ATP8A2: variants seen among roughly 807,000 people sequenced by gnomAD.
ATP8A2 encodes ATPase phospholipid transporting 8A2.
A neutral mutation model predicts 165.6 loss-of-function variants in ATP8A2; 100 were observed. That is an observed-to-expected ratio of 0.60 (90% confidence interval 0.51 to 0.71). The LOEUF is 0.71. Ranked by LOEUF, ATP8A2 falls within the 30% of genes least tolerant of loss-of-function variation. ATP8A2 has a pLI of 0.00. For synonymous variants in ATP8A2, 543 were observed against 548.8 expected, an observed-to-expected ratio of 0.99 and a Z score of 0.15; for missense variants, 1,227 against 1,479.5, an observed-to-expected ratio of 0.83 and a Z score of 2.80.
At chr13:25,976,294 C>A (rs1404291861) in intron 35 of ATP8A2, among the ~76,000 whole-genome samples, 1 of 152,098 alleles carries the variant, frequency 6.6e-6, no homozygotes, top group Non-Finnish European at 1.5e-5. Flanking sequence ...TTTATCATAA[C>A]ACTGATCCCC....
At chr13:25,659,357 A>G (rs1277015824) in intron 24 of ATP8A2, among the ~76,000 whole-genome samples, 1 of 152,216 alleles carries the variant, frequency 6.6e-6, no homozygotes, top group Admixed American at 6.5e-5. Context: ...GTTTCATTTA[A>G]TTAGAGTTTG....
At chr13:25,686,280 G>A (rs932340751) in intron 24 of ATP8A2, among the ~76,000 whole-genome samples, 7 of 152,302 alleles carry the variant, frequency 4.6e-5, no homozygotes, top group Admixed American at 6.5e-5. Flanking sequence ...CACAAGGAGC[G>A]GATGCGTCAC....
chr13:25,601,579 C>T (rs1010926009), intron 24 of ATP8A2, among the ~76,000 whole-genome samples: 20 of 152,314 alleles, frequency 1.3e-4, no homozygotes, highest in African/African-American at 4.1e-4. Context: ...ATTCTCCTGC[C>T]TCAGCCTCTC....
At chr13:25,511,173 T>C (rs1214386376) in intron 2 of ATP8A2, among the ~76,000 whole-genome samples, 1 of 152,248 alleles carries the variant, frequency 6.6e-6, no homozygotes, top group Non-Finnish European at 1.5e-5. Context: ...GTGTATCATG[T>C]TTGCCTCTTT....
intron 24 of ATP8A2, among the ~76,000 whole-genome samples, chr13:25,665,503 G>A (rs547481869): frequency 6.6e-6 from 1 of 151,268 alleles, no homozygotes; most frequent in African/African-American, 2.4e-5. Flanking sequence ...AGATGGTAGG[G>A]GCATACTTTC....
chr13:25,465,493 A>G lies in ATP8A2; in HGVS notation c.77-3484A>G, dbSNP rs187796503. Among the ~76,000 whole-genome samples, 33 of 151,612 alleles carry G rather than the reference A, an allele frequency of 2.2e-4. 1 individual carries two copies. Among genetic ancestry groups the G allele is most frequent in the East Asian group, 1.6e-3 (8 of 5,150 alleles). ...TCGTGTCAATAATTTTTTTCACTCC[A>G]ATATTTGTTATCCAACATCTAAATT... is the stretch of plus-strand genomic sequence containing the variant. On this transcript the variant is annotated intron_variant, in intron 1 of 36. Transcript: ENST00000381655.
chr13:25,862,532 CT>C, intron 33 of ATP8A2, 124 bp downstream of exon 33: 1 of 704,598 alleles, frequency 1.4e-6, no homozygotes, highest in Non-Finnish European at 2.5e-6. Flanking sequence ...CTGGTCCTTC[CT>C]GCTTCCATCA....
Position 25,711,044 on chromosome 13 carries a change from G to A in ATP8A2, c.2384+11699G>A, listed in dbSNP as rs551142707. Among the ~76,000 whole-genome samples the A allele has an allele frequency of 9.2e-5, 14 of 152,040 alleles. No homozygotes were observed. In the South Asian group the frequency reaches 1.7e-3, roughly 18 times the overall value. Reference sequence around the variant, plus strand: ...TTCTGAGTCAGAGTCTCACTCTGTCGCCCAGGCTGGAATGCTGTGGTGCGA... The same window carrying A: ...TTCTGAGTCAGAGTCTCACTCTGTCACCCAGGCTGGAATGCTGTGGTGCGA... On this transcript the variant is annotated intron_variant, in intron 25 of 36. Coordinates refer to ENST00000381655, the MANE Select transcript of ATP8A2 (RefSeq NM_016529.6).
intron 1 of ATP8A2, among the ~76,000 whole-genome samples, chr13:25,437,274 A>C (rs992824842): frequency 6.6e-6 from 1 of 152,170 alleles, no homozygotes; most frequent in Admixed American, 6.5e-5. Context: ...GGAATACTTC[A>C]TCTTAGCACC....
At chr13:25,432,477 G>A (rs1048627376) in intron 1 of ATP8A2, among the ~76,000 whole-genome samples, 1 of 152,226 alleles carries the variant, frequency 6.6e-6, no homozygotes, top group African/African-American at 2.4e-5. Context: ...TAAACACGGA[G>A]TGAGCGTTTT....
At chr13:25,497,771 C>T (rs887659213) in intron 2 of ATP8A2, among the ~76,000 whole-genome samples, 48 of 151,768 alleles carry the variant, frequency 3.2e-4, no homozygotes, top group African/African-American at 9.9e-4. Flanking sequence ...CTGGCTAATA[C>T]GGTGAAACCC....
chr13:25,990,528 A>G (rs1001506324), intron 35 of ATP8A2, among the ~76,000 whole-genome samples: 20 of 152,142 alleles, frequency 1.3e-4, no homozygotes, highest in African/African-American at 4.8e-4. Context: ...GAGGTGGGAA[A>G]CCAGAGTGAT....
intron 25 of ATP8A2, among the ~76,000 whole-genome samples, chr13:25,760,409 C>G (rs563269609): frequency 1.3e-5 from 2 of 152,194 alleles, no homozygotes; most frequent in East Asian, 3.9e-4. Context: ...ATTATTAGAG[C>G]CTGAAATCAG....
At chr13:25,834,410 T>C (rs751953461) in intron 28 of ATP8A2, among the ~76,000 whole-genome samples, 3 of 152,080 alleles carry the variant, frequency 2.0e-5, no homozygotes, top group Non-Finnish European at 2.9e-5. Context: ...CTTCTTCCCA[T>C]AGAGATAAAA....
intron 18 of ATP8A2, among the ~76,000 whole-genome samples, chr13:25,572,468 CT>C (rs2039496059): frequency 6.6e-6 from 1 of 152,184 alleles, no homozygotes; most frequent in Admixed American, 6.5e-5. Flanking sequence ...GGGATCCCCC[CT>C]GCAACTGGAG....
intron 24 of ATP8A2, among the ~76,000 whole-genome samples, chr13:25,623,402 A>G (rs1250622049): frequency 6.6e-6 from 1 of 152,064 alleles, no homozygotes; most frequent in African/African-American, 2.4e-5. Context: ...TCTCCACAAT[A>G]GCAACAACAA....
At chr13:25,513,469 T>G (rs2037346087) in intron 2 of ATP8A2, among the ~76,000 whole-genome samples, 1 of 148,028 alleles carries the variant, frequency 6.8e-6, no homozygotes, top group African/African-American at 2.5e-5. Flanking sequence ...TCCTCACTTC[T>G]CAGACTGGGC....
intron 2 of ATP8A2, among the ~76,000 whole-genome samples, chr13:25,481,449 G>T (rs1257906589): frequency 6.6e-6 from 1 of 152,196 alleles, no homozygotes; most frequent in African/African-American, 2.4e-5. Flanking sequence ...AGCCAGGAAT[G>T]TGGATGCCTG....
intron 25 of ATP8A2, among the ~76,000 whole-genome samples, chr13:25,741,555 AT>A (rs879363410): frequency 0.012 from 1,746 of 145,156 alleles, 30 homozygotes; most frequent in African/African-American, 0.035. Context: ...CTAATTTTTA[AT>A]TTTTTTTTTT....
Sources: allele counts gnomAD v4.1 joint callset (sites outside exome capture counted in the v4.1 genomes callset), GRCh38; gene constraint gnomAD v4.1.1; transcripts MANE v1.5; gene names NCBI Gene and HGNC (gene_info 2026-07-23, HGNC 2026-07-21).